Variants in EVA1C observed in about 807,000 individuals in gnomAD.
The protein encoded by EVA1C is protein eva-1 homolog C.
Under a neutral mutation model 45.4 loss-of-function variants are expected in EVA1C, and 25 were observed. The ratio of observed to expected loss-of-function variants is 0.55; its 90% CI spans 0.40 to 0.77. The LOEUF (loss-of-function observed/expected upper bound fraction) is 0.77. Among genes scored for constraint, EVA1C ranks in the 30% least tolerant of loss-of-function variants. EVA1C has a pLI of 0.00. For missense variants in EVA1C, 479 were observed against 554.8 expected (o/e 0.86, Z 1.37); for synonymous variants, 190 against 221.2 (o/e 0.86, Z 1.25).
chr21:32,472,792 G>T (rs1456284433), intron 4 of EVA1C, among the ~76,000 whole-genome samples: 3 of 152,246 alleles, frequency 2.0e-5, no homozygotes, highest in Non-Finnish European at 4.4e-5. Flanking sequence ...GTGAAGAAAA[G>T]TCTGTGACTC....
At chr21:32,434,648 A>G (rs1306001633) in intron 1 of EVA1C, among the ~76,000 whole-genome samples, 1 of 151,486 alleles carries the variant, frequency 6.6e-6, no homozygotes, top group African/African-American at 2.4e-5. Context: ...ATATATATAT[A>G]GATATAGATA....
At chr21:32,473,684 G>A (rs1196405076) in intron 4 of EVA1C, among the ~76,000 whole-genome samples, 1 of 152,144 alleles carries the variant, frequency 6.6e-6, no homozygotes, top group Admixed American at 6.5e-5. Context: ...CAGCCAGAGG[G>A]ATTGTATTTA....
intron 4 of EVA1C, among the ~76,000 whole-genome samples, chr21:32,473,254 C>G (rs1046027597): frequency 1.3e-5 from 2 of 151,816 alleles, no homozygotes; most frequent in African/African-American, 4.9e-5. Context: ...CCAACAACAC[C>G]TGTGTGTGTT....
chr21:32,488,791 G>A (rs553952855), intron 4 of EVA1C, among the ~76,000 whole-genome samples: 2 of 152,204 alleles, frequency 1.3e-5, no homozygotes, highest in East Asian at 3.9e-4. Context: ...TCACCATGTT[G>A]GCCAGGCTGG....
chr21:32,418,795 A>G (rs1200549559), intron 1 of EVA1C, among the ~76,000 whole-genome samples: 1 of 152,158 alleles, frequency 6.6e-6, no homozygotes, highest in Non-Finnish European at 1.5e-5. Flanking sequence ...CTTTCTTGAA[A>G]GTTCATGGGG....
intron 1 of EVA1C, among the ~76,000 whole-genome samples, chr21:32,436,284 G>C (rs181781635): frequency 2.1e-3 from 320 of 152,146 alleles, no homozygotes; most frequent in African/African-American, 7.1e-3. Flanking sequence ...GGCTGTTCTC[G>C]AACTCCTCAC....
chr21:32,444,134 A>G (rs985104574), intron 1 of EVA1C, among the ~76,000 whole-genome samples: 3 of 151,984 alleles, frequency 2.0e-5, no homozygotes, highest in African/African-American at 7.3e-5. Context: ...AACAACAATC[A>G]ACACGGAATA....
intron 1 of EVA1C, among the ~76,000 whole-genome samples, chr21:32,432,494 T>G (rs1353196885): frequency 6.6e-6 from 1 of 152,010 alleles, no homozygotes; most frequent in Non-Finnish European, 1.5e-5. Context: ...CTCCTGGCAT[T>G]AGGATGAAGA....
intron 1 of EVA1C, among the ~76,000 whole-genome samples, chr21:32,416,206 T>TTG (rs113090077): frequency 0.045 from 6,728 of 150,024 alleles, 177 homozygotes; most frequent in Admixed American, 0.057. Context: ...ACTTACTGTT[T>TTG]TGTGTGTGTG....
intron 4 of EVA1C, among the ~76,000 whole-genome samples, chr21:32,486,831 C>G (rs1033475147): frequency 6.6e-6 from 1 of 152,126 alleles, no homozygotes; most frequent in African/African-American, 2.4e-5. Flanking sequence ...AGCCCTGTCC[C>G]TTTCAGTGGT....
chr21:32,457,925 A>T (rs572903861), intron 3 of EVA1C, among the ~76,000 whole-genome samples: 5 of 152,336 alleles, frequency 3.3e-5, no homozygotes, highest in African/African-American at 9.6e-5. Context: ...TGTGTGTGTG[A>T]GTCTGCACAT....
intron 5 of EVA1C, chr21:32,497,225 A>G: frequency 1.2e-6 from 1 of 809,366 alleles, no homozygotes; most frequent in South Asian, 1.3e-5. Flanking sequence ...CGTCCAGCAG[A>G]CTTTAATTTT....
chr21:32,501,608 G>T (rs781071744), intron 6 of EVA1C, 113 bp downstream of exon 6: 25 of 1,375,966 alleles, frequency 1.8e-5, no homozygotes, highest in Admixed American at 1.1e-4. Context: ...CAGGAGGTGT[G>T]TTTGAGGTAC....
intron 1 of EVA1C, among the ~76,000 whole-genome samples, chr21:32,431,510 C>G (rs2034703242): frequency 6.6e-6 from 1 of 152,236 alleles, no homozygotes; most frequent in African/African-American, 2.4e-5. Flanking sequence ...TCACCCCCAG[C>G]TAACTGACTA....
chr21:32,416,271 T>C (rs963386875), intron 1 of EVA1C, among the ~76,000 whole-genome samples: 1 of 151,980 alleles, frequency 6.6e-6, no homozygotes, highest in Non-Finnish European at 1.5e-5. Context: ...AAGCTGGGTC[T>C]TCTCTTTCCT....
At chr21:32,503,840 C>T in intron 6 of EVA1C, 86 bp from the exon 7 acceptor site, 1 of 816,970 alleles carries the variant, frequency 1.2e-6, no homozygotes, top group Non-Finnish European at 1.9e-6. Context: ...TCCGGCGGTC[C>T]CTGGGGTAGG....
chr21:32,490,818 CTT>C (rs2037127909), intron 4 of EVA1C, among the ~76,000 whole-genome samples: 1 of 152,212 alleles, frequency 6.6e-6, no homozygotes, highest in Non-Finnish European at 1.5e-5. Flanking sequence ...CACTTCAAGA[CTT>C]TCTTCCCGTG....
intron 4 of EVA1C, among the ~76,000 whole-genome samples, chr21:32,491,159 G>A (rs1373826531): frequency 1.3e-5 from 2 of 152,204 alleles, no homozygotes; most frequent in African/African-American, 4.8e-5. Context: ...TTTCCTAGCA[G>A]GCAGAGGAGC....
chr21:32,455,387 T>TA (rs2035742135), intron 2 of EVA1C, among the ~76,000 whole-genome samples: 2 of 152,214 alleles, frequency 1.3e-5, no homozygotes, highest in Admixed American at 1.3e-4. Context: ...AATCACCTCT[T>TA]AAAGACTCCA....
Sources: gnomAD v4.1 joint callset for allele counts (sites outside exome capture counted in the v4.1 genomes callset) on GRCh38, gnomAD v4.1.1 for gene constraint, MANE v1.5 for transcripts, NCBI Gene and HGNC (gene_info 2026-07-23, HGNC 2026-07-21) for gene names.